Variants in INTS4 observed in about 807,000 individuals in gnomAD.
The protein encoded by INTS4 is MSTP093.
Under a neutral mutation model 119.5 loss-of-function variants are expected in INTS4, and 70 were observed. The observed-to-expected ratio is 0.59, with a 90% confidence interval of 0.48 to 0.71. The LOEUF (loss-of-function observed/expected upper bound fraction) is 0.71. Among genes scored for constraint, INTS4 ranks in the 30% least tolerant of loss-of-function variants. The pLI, the probability that INTS4 is intolerant of heterozygous loss-of-function variation, is 0.00. For synonymous variants in INTS4, 316 were observed against 419.6 expected, an observed-to-expected ratio of 0.75 and a Z score of 3.02; for missense variants, 867 against 1,173.2, an observed-to-expected ratio of 0.74 and a Z score of 3.81.
At chr11:77,882,588 CA>C (rs1951835243) in intron 22 of INTS4, among the ~76,000 whole-genome samples, 1 of 152,128 alleles carries the variant, frequency 6.6e-6, no homozygotes, top group South Asian at 2.1e-4. Context: ...GCAAATAGTG[CA>C]AAAACATTCC....
At chr11:77,879,406 TCTG>T (rs1306263488) in intron 22 of INTS4, among the ~76,000 whole-genome samples, 1 of 152,186 alleles carries the variant, frequency 6.6e-6, no homozygotes, top group Non-Finnish European at 1.5e-5. Context: ...TGCTTCATGA[TCTG>T]CTTTATGAAC....
chr11:77,984,230 C>T (rs1856366245), intron 2 of INTS4, among the ~76,000 whole-genome samples: 1 of 152,120 alleles, frequency 6.6e-6, no homozygotes. Context: ...CAGTGGCTCA[C>T]ATCTGTAATC....
intron 8 of INTS4, among the ~76,000 whole-genome samples, chr11:77,943,243 A>G (rs1222036355): frequency 2.0e-5 from 3 of 152,342 alleles, no homozygotes; most frequent in South Asian, 4.1e-4. Flanking sequence ...GCCCCAAAAA[A>G]TTAAATATCA....
intron 10 of INTS4, among the ~76,000 whole-genome samples, chr11:77,934,160 G>T (rs1442916276): frequency 2.6e-5 from 4 of 151,874 alleles, no homozygotes; most frequent in Non-Finnish European, 5.9e-5. Flanking sequence ...GGCGGTGCAA[G>T]ATGGGCTTTG....
chr11:77,990,888 TATC>T (rs2136670514), intron 2 of INTS4, among the ~76,000 whole-genome samples: 1 of 152,246 alleles, frequency 6.6e-6, no homozygotes, highest in African/African-American at 2.4e-5. Context: ...TGATGCACCT[TATC>T]ATTGACATGT....
chr11:77,920,212 T>C (rs73499874), intron 14 of INTS4, among the ~76,000 whole-genome samples: 7 of 142,380 alleles, frequency 4.9e-5, no homozygotes, highest in East Asian at 2.0e-4. Flanking sequence ...TATACACACA[T>C]ATATATACAC....
chr11:77,990,498 C>A (rs1856632328), intron 2 of INTS4, among the ~76,000 whole-genome samples: 1 of 151,980 alleles, frequency 6.6e-6, no homozygotes, highest in African/African-American at 2.4e-5. Flanking sequence ...CCAGCCTGGC[C>A]AACATGGCAA....
chr11:77,877,178 G>A, downstream of INTS4: 1 of 625,106 alleles, frequency 1.6e-6, no homozygotes, highest in South Asian at 1.9e-5. Flanking sequence ...TCCTAATTGT[G>A]TGACCTAGGA....
chr11:77,888,694 C>A (rs1952126278), intron 21 of INTS4, among the ~76,000 whole-genome samples: 1 of 152,078 alleles, frequency 6.6e-6, no homozygotes. Flanking sequence ...GGGCTAATAT[C>A]CAGAATCTAC....
At chr11:77,923,295 G>A (rs1366218709) in intron 12 of INTS4, among the ~76,000 whole-genome samples, 31 of 114,426 alleles carry the variant, frequency 2.7e-4, no homozygotes, top group African/African-American at 1.0e-3. Context: ...CCACCCTGGC[G>A]ATAAAGAGAG....
intron 22 of INTS4, among the ~76,000 whole-genome samples, chr11:77,882,892 G>A (rs1350184049): frequency 1.3e-5 from 2 of 152,038 alleles, no homozygotes; most frequent in Admixed American, 1.3e-4. Flanking sequence ...CCAACATGAC[G>A]AAACCCTGTC....
chr11:77,899,595 A>G lies in INTS4; in HGVS notation c.2228+1826T>C, dbSNP rs1437038529. 1.3e-3 allele frequency among the ~76,000 whole-genome samples: 196 copies of G among 151,820 alleles called. 1 individual carries two copies. Among genetic ancestry groups the G allele is most frequent in the African/African-American group, 4.7e-3 (194 of 41,212 alleles). On this transcript the variant is annotated intron_variant, in intron 18 of 22. Coordinates refer to ENST00000534064, the MANE Select transcript of INTS4 (RefSeq NM_033547.4). Reference sequence around the variant, plus strand: ...TGAGGCAGGAGAATCGCTTGAACCCAGGAGGCAGAGGTTGCAGTGAGCTGA... The same window carrying G: ...TGAGGCAGGAGAATCGCTTGAACCCGGGAGGCAGAGGTTGCAGTGAGCTGA...
At chr11:77,959,166 C>G (rs1391789649) in intron 6 of INTS4, among the ~76,000 whole-genome samples, 1 of 152,162 alleles carries the variant, frequency 6.6e-6, no homozygotes, top group African/African-American at 2.4e-5. Flanking sequence ...GCTTTTTCCT[C>G]CCCCTGTAAA....
chr11:77,930,719 C>A (rs191079835), intron 10 of INTS4, among the ~76,000 whole-genome samples: 1 of 152,136 alleles, frequency 6.6e-6, no homozygotes, highest in Non-Finnish European at 1.5e-5. Flanking sequence ...GTATGTCACG[C>A]CTGTAATCCC....
At chr11:77,920,258 C>CATATATACATATATATACAT (rs1555026451) in intron 14 of INTS4, among the ~76,000 whole-genome samples, 1 of 142,498 alleles carries the variant, frequency 7.0e-6, no homozygotes, top group South Asian at 2.1e-4. Context: ...TACATATATA[C>CATATATACATATATATACAT]ATATATACAC....
chr11:77,990,557 G>T (rs976645275), intron 2 of INTS4, among the ~76,000 whole-genome samples: 1 of 151,764 alleles, frequency 6.6e-6, no homozygotes, highest in Non-Finnish European at 1.5e-5. Flanking sequence ...GTGGTGGCAC[G>T]TGCCTGTAAT....
At chr11:77,992,698 T>C (rs962485836) in intron 1 of INTS4, among the ~76,000 whole-genome samples, 2 of 152,168 alleles carry the variant, frequency 1.3e-5, no homozygotes, top group South Asian at 2.1e-4. Context: ...AATAAGGACT[T>C]TGGAGTCAGA....
chr11:77,958,059 C>T (rs1004577815), intron 7 of INTS4, among the ~76,000 whole-genome samples: 5 of 151,972 alleles, frequency 3.3e-5, no homozygotes, highest in African/African-American at 4.8e-5. Context: ...CCAGTTAGCC[C>T]TTTTCTTTGT....
In INTS4 at chr11:77,970,470, A is replaced by C. The variant is rs114144464; in HGVS notation, c.471+8526T>G. ...TTGTTGGTAGATATCTACAAGCAGAACAGCTGGGTCCTATGGTAAGGCTAT... is the reference window on the plus strand; with the variant it reads ...TTGTTGGTAGATATCTACAAGCAGACCAGCTGGGTCCTATGGTAAGGCTAT... On this transcript the variant is annotated intron_variant, in intron 4 of 22. Transcript: ENST00000534064. Among the ~76,000 whole-genome samples, 333 of 152,204 alleles carry C rather than the reference A, an allele frequency of 2.2e-3. 2 individuals are homozygous for C. Among genetic ancestry groups the C allele is most frequent in the African/African-American group, 7.8e-3 (323 of 41,536 alleles).
Sources: allele counts gnomAD v4.1 joint callset (sites outside exome capture counted in the v4.1 genomes callset), GRCh38; gene constraint gnomAD v4.1.1; transcripts MANE v1.5; gene names NCBI Gene and HGNC (gene_info 2026-07-23, HGNC 2026-07-21).